The following ZBTB20 variants were observed in gnomAD, a reference collection of about 807,000 sequenced individuals.
The protein encoded by ZBTB20 is zinc finger and BTB domain containing 20.
ZBTB20 carries 9 observed loss-of-function variants against 56.9 expected under a neutral mutation model. The ratio of observed to expected loss-of-function variants is 0.16; its 90% CI spans 0.10 to 0.28. ZBTB20 has a LOEUF of 0.28. ZBTB20 is among the 10% of genes least tolerant of loss of function. The probability of loss-of-function intolerance (pLI) is 1.00; values close to 1 mark genes in which losing one functional copy is unlikely to be tolerated. For missense variants in ZBTB20, 655 were observed against 1,003.0 expected, an observed-to-expected ratio of 0.65 and a Z score of 4.69; for synonymous variants, 417 against 420.7, an observed-to-expected ratio of 0.99 and a Z score of 0.11.
intron 4 of ZBTB20, among the ~76,000 whole-genome samples, chr3:114,831,045 T>G (rs1414294765): frequency 6.1e-5 from 9 of 146,876 alleles, no homozygotes; most frequent in South Asian, 4.5e-4. Flanking sequence ...TTAAAATCCC[T>G]TCCCCCCATA....
chr3:114,545,353 T>C (rs538915430), intron 6 of ZBTB20, among the ~76,000 whole-genome samples: 1 of 152,290 alleles, frequency 6.6e-6, no homozygotes, highest in South Asian at 2.1e-4. Context: ...ACCATTTGTA[T>C]ACCACTTTTT....
intron 1 of ZBTB20, among the ~76,000 whole-genome samples, chr3:115,126,044 A>G (rs1194510504): frequency 6.6e-6 from 1 of 152,212 alleles, no homozygotes; most frequent in Admixed American, 6.5e-5. Flanking sequence ...AAAAATAGGT[A>G]TAAGAACCAC....
At chr3:114,891,730 C>T (rs2076815171) in intron 4 of ZBTB20, among the ~76,000 whole-genome samples, 1 of 152,150 alleles carries the variant, frequency 6.6e-6, no homozygotes, top group East Asian at 1.9e-4. Flanking sequence ...AAGATAACTA[C>T]TTCTTAAATG....
chr3:114,333,388 T>C lies in ZBTB20; in HGVS notation c.*5617A>G, dbSNP rs1056643787. ...AGATTGCTTTTGAAAGTTTGCCCCA[T>C]GTAATCTATTTCCTGGCTACCTAAG... On this transcript the variant is annotated 3_prime_UTR_variant, in exon 12 of 12. Coordinates refer to ENST00000675478, the MANE Select transcript of ZBTB20 (RefSeq NM_001348800.3). 2.0e-5 allele frequency: 3 copies of C among 152,192 alleles called. No individual in the cohort carries two copies. Among genetic ancestry groups the C allele is most frequent in the African/African-American group, 7.2e-5 (3 of 41,440 alleles). 9.4% of individuals were successfully genotyped at this position (152,192 alleles called of 1,614,324 possible).
At chr3:114,702,353 C>G (rs1337519034) in intron 5 of ZBTB20, among the ~76,000 whole-genome samples, 1 of 152,114 alleles carries the variant, frequency 6.6e-6, no homozygotes, top group Non-Finnish European at 1.5e-5. Context: ...GTCTCAAACC[C>G]TCCACCCCCA....
At chr3:114,724,881 A>G (rs2065161971) in intron 5 of ZBTB20, among the ~76,000 whole-genome samples, 1 of 152,178 alleles carries the variant, frequency 6.6e-6, no homozygotes, top group South Asian at 2.1e-4. Context: ...TTGAGCCATA[A>G]AATAAAATAC....
At chr3:114,914,455 A>G (rs912204546) in intron 3 of ZBTB20, among the ~76,000 whole-genome samples, 3 of 152,048 alleles carry the variant, frequency 2.0e-5, no homozygotes, top group Non-Finnish European at 4.4e-5. Flanking sequence ...TTTATTGATC[A>G]GTTCTAATAG....
At chr3:114,555,636 C>CAACTGTCA (rs1430709655) in intron 6 of ZBTB20, among the ~76,000 whole-genome samples, 1 of 152,090 alleles carries the variant, frequency 6.6e-6, no homozygotes, top group East Asian at 1.9e-4. Context: ...CAAGGTATCA[C>CAACTGTCA]CATTTATCAC....
chr3:114,747,995 C>T (rs2067192820), intron 5 of ZBTB20, among the ~76,000 whole-genome samples: 1 of 148,560 alleles, frequency 6.7e-6, no homozygotes, highest in Non-Finnish European at 1.5e-5. Flanking sequence ...GATACATACA[C>T]AATAAAACTT....
chr3:114,390,946 C>A (rs1469567958), intron 7 of ZBTB20, among the ~76,000 whole-genome samples: 1 of 152,068 alleles, frequency 6.6e-6, no homozygotes, highest in Non-Finnish European at 1.5e-5. Context: ...TTCTCTTCAT[C>A]CAGTTACGTG....
At chr3:114,884,127 G>A (rs1187631909) in intron 4 of ZBTB20, among the ~76,000 whole-genome samples, 8 of 150,598 alleles carry the variant, frequency 5.3e-5, no homozygotes, top group African/African-American at 1.5e-4. Flanking sequence ...GGGTTTCACC[G>A]TTTTAGCCGG....
At chr3:115,058,201 A>G (rs553684168) in intron 2 of ZBTB20, among the ~76,000 whole-genome samples, 8 of 152,316 alleles carry the variant, frequency 5.3e-5, no homozygotes, top group Non-Finnish European at 1.0e-4. Flanking sequence ...AAACATATCA[A>G]TGAAATTCTA....
At position 114,536,214 on chromosome 3, in the gene ZBTB20, T is replaced by C. The variant is rs571359797; in HGVS notation, c.-294-35823A>G. Among the ~76,000 whole-genome samples, 20 of 152,300 alleles carry C rather than the reference T, an allele frequency of 1.3e-4. No homozygotes were observed. The East Asian group carries it at 3.5e-3, about 26-fold the overall frequency. ...GAAGAGAGGAAGTCAAATTGTCTGT[T>C]TGCAGATGACATGATTGTGTATTCA... On this transcript the variant is annotated intron_variant, in intron 6 of 11. Coordinates refer to ENST00000675478, the MANE Select transcript of ZBTB20 (RefSeq NM_001348800.3).
chr3:114,788,043 T>A (rs1415439028), intron 5 of ZBTB20, among the ~76,000 whole-genome samples: 1 of 152,192 alleles, frequency 6.6e-6, no homozygotes, highest in African/African-American at 2.4e-5. Flanking sequence ...AGGTAAAGAC[T>A]GTTACTTAAG....
At chr3:114,654,433 T>C (rs1331297435) in intron 6 of ZBTB20, among the ~76,000 whole-genome samples, 1 of 151,976 alleles carries the variant, frequency 6.6e-6, no homozygotes, top group Non-Finnish European at 1.5e-5. Context: ...AGATATTTTA[T>C]TGTTTTCTTT....
chr3:114,780,316 AT>A (rs2069986036), intron 5 of ZBTB20, among the ~76,000 whole-genome samples: 1 of 152,242 alleles, frequency 6.6e-6, no homozygotes, highest in Non-Finnish European at 1.5e-5. Flanking sequence ...AATGGTTGTT[AT>A]ATGAAGAGAA....
At chr3:114,439,091 C>T (rs2090736917) in intron 7 of ZBTB20, among the ~76,000 whole-genome samples, 1 of 152,124 alleles carries the variant, frequency 6.6e-6, no homozygotes, top group Admixed American at 6.6e-5. Context: ...ACATTTGTCA[C>T]AGTCACTAAT....
At chr3:114,647,988 A>G (rs2059936602) in intron 6 of ZBTB20, among the ~76,000 whole-genome samples, 1 of 152,194 alleles carries the variant, frequency 6.6e-6, no homozygotes, top group East Asian at 1.9e-4. Context: ...TTTCTAGATT[A>G]TTAAAGTTAA....
chr3:114,912,130 GAA>G (rs10575416), intron 3 of ZBTB20, among the ~76,000 whole-genome samples: 57,903 of 136,574 alleles, frequency 0.42, 12,861 homozygotes, highest in East Asian at 0.78. Flanking sequence ...AGTGCTAAAA[GAA>G]AAAAAAAAAA....
Sources: gnomAD v4.1 joint callset for allele counts (sites outside exome capture counted in the v4.1 genomes callset) on GRCh38, gnomAD v4.1.1 for gene constraint, MANE v1.5 for transcripts, NCBI Gene and HGNC (gene_info 2026-07-23, HGNC 2026-07-21) for gene names.